ZFPM1: variants seen among roughly 807,000 people sequenced by gnomAD.
ZFPM1 encodes zinc finger protein, FOG family member 1.
A neutral mutation model predicts 46.3 loss-of-function variants in ZFPM1; 28 were observed. The ratio of observed to expected loss-of-function variants is 0.60; its 90% confidence interval spans 0.45 to 0.83. ZFPM1 has a LOEUF of 0.83. Ranked by LOEUF, ZFPM1 falls within the 40% of genes least tolerant of loss-of-function variation. ZFPM1 has a pLI of 0.00. For missense variants in ZFPM1, 1,878 were observed against 1,432.4 expected (o/e 1.31, Z -5.02); for synonymous variants, 957 against 675.9 (o/e 1.42, Z -6.45).
intron 3 of ZFPM1, among the ~76,000 whole-genome samples, chr16:88,507,322 C>T (rs1449713900): frequency 2.0e-5 from 3 of 152,194 alleles, no homozygotes; most frequent in African/African-American, 7.2e-5. Flanking sequence ...TCCCCGCCTC[C>T]AGAGCTCAGA....
rs186655332 is a variant in ZFPM1, at chr16:88,476,199, G to T, written c.41-9740G>T. Reference sequence around the variant, plus strand: ...AGGGTGAGCAGGCTGAGACCCGAAGGCCCCTCGCGGGAACCAACCAAGCCT... The same window carrying T: ...AGGGTGAGCAGGCTGAGACCCGAAGTCCCCTCGCGGGAACCAACCAAGCCT... On this transcript the variant is annotated intron_variant, in intron 1 of 9. Transcript: ENST00000319555. Among the ~76,000 whole-genome samples the T allele has an allele frequency of 7.2e-4, 110 of 152,160 alleles. No individual in the cohort carries two copies. The Middle Eastern group carries it at 0.02, about 28-fold the overall frequency.
At chr16:88,474,535 G>C (rs969126759) in intron 1 of ZFPM1, among the ~76,000 whole-genome samples, 1 of 151,980 alleles carries the variant, frequency 6.6e-6, no homozygotes, top group African/African-American at 2.4e-5. Flanking sequence ...CCCGCCACCC[G>C]CCTCCTCCCA....
rs769776080 is a variant in ZFPM1, at chr16:88,489,173, G to A, written c.268+20G>A. ...GGCCAGGTAACCACGCGGGTGGTGG[G>A]GGCAGCAGCATCGCCTCCCGGGCAG... On this transcript the variant is annotated intron_variant, in intron 3 of 9. Transcript: ENST00000319555. The A allele has an allele frequency of 1.1e-5, 17 of 1,580,560 alleles. No homozygotes were observed. In the Admixed American group the frequency reaches 2.9e-4, roughly 27 times the overall value.
chr16:88,473,193 G>A (rs558024369), intron 1 of ZFPM1, among the ~76,000 whole-genome samples: 1 of 152,378 alleles, frequency 6.6e-6, no homozygotes, highest in South Asian at 2.1e-4. Flanking sequence ...TGAGGGTCTG[G>A]ACACTAGGGT....
Position 88,535,519 on chromosome 16 carries a change from C to G in ZFPM1, c.*540C>G, listed in dbSNP as rs1156793765. ...CCCAACCCTGCATGGTCCTGGGGGTCCGATGTCCCCCATCCAGTCACAGAC... is the reference window on the plus strand; with the variant it reads ...CCCAACCCTGCATGGTCCTGGGGGTGCGATGTCCCCCATCCAGTCACAGAC... On this transcript the variant is annotated 3_prime_UTR_variant, in exon 10 of 10. Transcript: ENST00000319555. The G allele has an allele frequency of 6.6e-6, 1 of 152,376 alleles. No individual in the cohort carries two copies. The highest frequency in any genetic ancestry group is 2.4e-5 in the African/African-American group (1 of 41,478). 9.4% of individuals were successfully genotyped at this position (152,376 alleles called of 1,614,324 possible).
chr16:88,530,134 GGGGGTGCCCCCGTAGTGTCTC>G (rs1160666035), intron 6 of ZFPM1, among the ~76,000 whole-genome samples: 2 of 152,182 alleles, frequency 1.3e-5, no homozygotes, highest in African/African-American at 4.8e-5. Context: ...AGGATGGAGA[GGGGGTGCCCCCGTAGTGTCTC>G]GGGGTGCCCG....
At chr16:88,467,501 C>A (rs1477397790) in intron 1 of ZFPM1, among the ~76,000 whole-genome samples, 3 of 152,250 alleles carry the variant, frequency 2.0e-5, no homozygotes, top group Non-Finnish European at 4.4e-5. Flanking sequence ...GCTGCCTTTT[C>A]CTATAAAATG....
At chr16:88,487,465 G>A (rs1192304559) in intron 2 of ZFPM1, among the ~76,000 whole-genome samples, 1 of 152,198 alleles carries the variant, frequency 6.6e-6, no homozygotes. Flanking sequence ...GATGCGTGGG[G>A]CTGCCCCTGA....
chr16:88,515,651 C>T (rs1450900865), intron 4 of ZFPM1, among the ~76,000 whole-genome samples: 1 of 152,228 alleles, frequency 6.6e-6, no homozygotes, highest in Non-Finnish European at 1.5e-5. Context: ...CTGCGGCCAG[C>T]AGCCCTGCAG....
intron 3 of ZFPM1, among the ~76,000 whole-genome samples, chr16:88,505,185 C>T (rs963158595): frequency 2.1e-4 from 32 of 152,218 alleles, no homozygotes; most frequent in African/African-American, 3.6e-4. Flanking sequence ...CGGTGGCTGA[C>T]GCAGCTGCTC....
At chr16:88,489,389 G>A in intron 3 of ZFPM1, 2 of 536,392 alleles carry the variant, frequency 3.7e-6, no homozygotes, top group South Asian at 6.6e-5. Context: ...GCGCTGGGGG[G>A]TTCCCTGGAT....
At chr16:88,467,354 G>A (rs993409907) in intron 1 of ZFPM1, among the ~76,000 whole-genome samples, 36 of 152,146 alleles carry the variant, frequency 2.4e-4, no homozygotes, top group Non-Finnish European at 3.4e-4. Context: ...AAATAGGGCC[G>A]ACACCGCTAA....
chr16:88,474,221 C>T (rs148084799), intron 1 of ZFPM1, among the ~76,000 whole-genome samples: 64 of 152,320 alleles, frequency 4.2e-4, no homozygotes, highest in Admixed American at 5.2e-4. Context: ...TCTGCCTTGC[C>T]CCGCCCGGGC....
intron 4 of ZFPM1, among the ~76,000 whole-genome samples, chr16:88,525,474 AG>A (rs751827300): frequency 2.4e-4 from 37 of 152,376 alleles, no homozygotes; most frequent in Middle Eastern, 3.4e-3. Flanking sequence ...GTCATGGTGC[AG>A]GAAGTTTCTG....
chr16:88,493,852 G>C (rs1324080080), intron 3 of ZFPM1, among the ~76,000 whole-genome samples: 1 of 152,184 alleles, frequency 6.6e-6, no homozygotes, highest in Non-Finnish European at 1.5e-5. Flanking sequence ...GTTTTCAAAA[G>C]TTCTGAGCTC....
At chr16:88,453,162 G>T (rs1305349612), upstream of ZFPM1, among the ~76,000 whole-genome samples, 6 of 149,218 alleles carry the variant, frequency 4.0e-5, no homozygotes, top group African/African-American at 1.5e-4. Flanking sequence ...GGCGCTGGGG[G>T]CGGAGCCGGA....
Position 88,489,161 on chromosome 16 carries a change from C to A in ZFPM1, c.268+8C>A. 1 of 1,590,762 alleles carries A rather than the reference C, an allele frequency of 6.3e-7. No homozygotes were observed. Among genetic ancestry groups the A allele is most frequent in the Non-Finnish European group, 8.6e-7 (1 of 1,169,252 alleles). On this transcript the variant is annotated splice_region_variant and intron_variant, in intron 3 of 9. Transcript: ENST00000319555. ...GTCCCTGGAGCGGGCCAGGTAACCA[C>A]GCGGGTGGTGGGGGCAGCAGCATCG...
chr16:88,473,738 C>T (rs1280815549), intron 1 of ZFPM1, among the ~76,000 whole-genome samples: 1 of 152,182 alleles, frequency 6.6e-6, no homozygotes, highest in East Asian at 1.9e-4. Flanking sequence ...GACCTCTCCT[C>T]CTCCCTGGGC....
chr16:88,495,815 G>A (rs35750713), intron 3 of ZFPM1, among the ~76,000 whole-genome samples: 27,891 of 152,134 alleles, frequency 0.18, 2,861 homozygotes, highest in East Asian at 0.28. Flanking sequence ...ACCAGGAGGC[G>A]TCTCGGGGCC....
Sources: allele counts gnomAD v4.1 joint callset (sites outside exome capture counted in the v4.1 genomes callset), GRCh38; gene constraint gnomAD v4.1.1; transcripts MANE v1.5; gene names NCBI Gene and HGNC (gene_info 2026-07-23, HGNC 2026-07-21).